The following NHEJ1 variants were observed in gnomAD, a reference collection of about 807,000 sequenced individuals.
The protein encoded by NHEJ1 is non-homologous end-joining factor 1.
Under a neutral mutation model 39.4 loss-of-function variants are expected in NHEJ1, and 22 were observed. The ratio of observed to expected loss-of-function variants is 0.56; its 90% CI spans 0.40 to 0.80. NHEJ1 has a LOEUF of 0.80. Among genes scored for constraint, NHEJ1 ranks in the 30% least tolerant of loss-of-function variants. The probability of loss-of-function intolerance (pLI) is 0.00; values close to 1 mark genes in which losing one functional copy is unlikely to be tolerated. For missense variants in NHEJ1, 329 were observed against 357.1 expected (o/e 0.92, Z 0.63); for synonymous variants, 154 against 135.6 (o/e 1.14, Z -0.94).
chr2:219,151,880 A>G (rs942224705), intron 3 of NHEJ1, among the ~76,000 whole-genome samples: 4 of 152,152 alleles, frequency 2.6e-5, no homozygotes, highest in African/African-American at 9.7e-5. Context: ...AGGCACAAGA[A>G]TCACTTGAAC....
intron 5 of NHEJ1, among the ~76,000 whole-genome samples, chr2:219,080,669 T>TA (rs1949058132): frequency 1.2e-5 from 1 of 86,022 alleles, no homozygotes; most frequent in African/African-American, 8.6e-5. Context: ...ATATAAGCTT[T>TA]TATATATGCT....
intron 5 of NHEJ1, among the ~76,000 whole-genome samples, chr2:219,112,267 G>A (rs1949372817): frequency 6.6e-6 from 1 of 152,086 alleles, no homozygotes; most frequent in African/African-American, 2.4e-5. Flanking sequence ...TTTGAGTTTT[G>A]GCTCTGTTGC....
chr2:219,087,524 A>G (rs1559187738), intron 5 of NHEJ1, among the ~76,000 whole-genome samples: 3 of 152,236 alleles, frequency 2.0e-5, no homozygotes, highest in Admixed American at 2.0e-4. Context: ...TACACGCTTG[A>G]CAGCTGGGAA....
chr2:219,077,347 T>C lies in NHEJ1; in HGVS notation c.724A>G (p.Asn242Asp), dbSNP rs1949023859. ...TCGATTCCTTGCAGGGAAGCACTGTTTGAGGTATGAGGATCTCCTGAAATC... is the reference window on the plus strand; with the variant it reads ...TCGATTCCTTGCAGGGAAGCACTGTCTGAGGTATGAGGATCTCCTGAAATC... ...HQGAGDPHTS[N>D]SASLQGIDSQ... is the part of the protein sequence containing the mutation. The change falls in exon 7 of 8, where the codon AAC becomes GAC. Residue 242 changes from asparagine (N) to aspartate (D), a missense_variant. Coordinates refer to ENST00000356853, the MANE Select transcript of NHEJ1 (RefSeq NM_024782.3). 2 of 1,613,704 alleles carry C rather than the reference T, an allele frequency of 1.2e-6. No individual in the cohort carries two copies. The highest frequency in any genetic ancestry group is 1.7e-5 in the Admixed American group (1 of 59,996).
At chr2:219,119,552 T>C (rs557045785) in intron 5 of NHEJ1, among the ~76,000 whole-genome samples, 3 of 151,022 alleles carry the variant, frequency 2.0e-5, no homozygotes, top group Admixed American at 1.3e-4. Context: ...CAGAAGAGAA[T>C]CCCTCCCCCT....
Position 219,141,748 on chromosome 2 carries a change from C to G in NHEJ1, c.588+4932G>C, listed in dbSNP as rs183070214. 5.8e-3 allele frequency among the ~76,000 whole-genome samples: 881 copies of G among 152,134 alleles called. 6 individuals are homozygous for G. Among genetic ancestry groups the G allele is most frequent in the South Asian group, 0.037 (177 of 4,808 alleles). ...AAATTGGTATTCAGCGATGTACCAA[C>G]AATAGTTGACACTGGGGTCTAGATG... On this transcript the variant is annotated intron_variant, in intron 5 of 7. Transcript: ENST00000356853.
chr2:219,085,013 A>T (rs890959054), intron 5 of NHEJ1, among the ~76,000 whole-genome samples: 66 of 152,304 alleles, frequency 4.3e-4, no homozygotes, highest in Middle Eastern at 3.4e-3. Context: ...CCTGCTTCCT[A>T]ATGTGGCTTG....
Position 219,070,141 on chromosome 2 carries a change from C to G in NHEJ1, c.*6240G>C, listed in dbSNP as rs1337425446. Among the ~76,000 whole-genome samples, 1 of 152,242 alleles carries G rather than the reference C, an allele frequency of 6.6e-6. No individual in the cohort carries two copies. The highest frequency in any genetic ancestry group is 1.9e-4 in the East Asian group (1 of 5,204). ...CAATAAGCCCACAATCTGCCACAGC[C>G]TCCGGAGTACCTGGGACTACAGGCG... is the stretch of plus-strand genomic sequence containing the variant. On this transcript the variant is annotated 3_prime_UTR_variant, in exon 8 of 8. Coordinates refer to ENST00000356853, the MANE Select transcript of NHEJ1 (RefSeq NM_024782.3).
chr2:219,137,100 C>G lies in NHEJ1; in HGVS notation c.588+9580G>C, dbSNP rs569614205. ...AAAAAAAAAAAAAAGAAGTGGTAAC[C>G]CCTGGTTACTACAGGATTCACAGTG... is the stretch of plus-strand genomic sequence containing the variant. On this transcript the variant is annotated intron_variant, in intron 5 of 7. Coordinates refer to ENST00000356853, the MANE Select transcript of NHEJ1 (RefSeq NM_024782.3). Among the ~76,000 whole-genome samples the G allele has an allele frequency of 3.1e-3, 468 of 150,444 alleles. 2 individuals are homozygous for G. The highest frequency in any genetic ancestry group is 0.01 in the African/African-American group (423 of 41,082).
In NHEJ1 at chr2:219,077,357, A is replaced by T; in HGVS notation, c.714T>A (p.Pro238=). 1.2e-6 allele frequency: 2 copies of T among 1,611,778 alleles called. No individual in the cohort carries two copies. Among genetic ancestry groups the T allele is most frequent in the Non-Finnish European group, 1.7e-6 (2 of 1,177,844 alleles). The change falls in exon 7 of 8, where the codon CCT becomes CCA. Residue 238 remains proline, a synonymous_variant. Transcript: ENST00000356853. ...VGQKHQGAGD[P]HTSNSASLQG... ...GCAGGGAAGCACTGTTTGAGGTATG[A>T]GGATCTCCTGAAATCAGAAAGATCA...
intron 5 of NHEJ1, among the ~76,000 whole-genome samples, chr2:219,113,784 T>G (rs1196974359): frequency 6.6e-6 from 1 of 152,194 alleles, no homozygotes; most frequent in Admixed American, 6.5e-5. Context: ...TGCTATCATT[T>G]CCAAGGTATT....
At chr2:219,099,120 G>A (rs759191460) in intron 5 of NHEJ1, among the ~76,000 whole-genome samples, 3 of 150,786 alleles carry the variant, frequency 2.0e-5, no homozygotes, top group African/African-American at 7.3e-5. Flanking sequence ...GGATGTGCTC[G>A]GAAAGTGGCA....
chr2:219,081,667 G>A (rs998529099), intron 5 of NHEJ1, among the ~76,000 whole-genome samples: 1 of 152,212 alleles, frequency 6.6e-6, no homozygotes, highest in Non-Finnish European at 1.5e-5. Context: ...ATATTTGCAT[G>A]TGGGAGATAG....
intron 5 of NHEJ1, among the ~76,000 whole-genome samples, chr2:219,107,975 T>TA (rs1949329530): frequency 6.6e-6 from 1 of 150,514 alleles, no homozygotes; most frequent in South Asian, 2.1e-4. Flanking sequence ...GAAACGCGGC[T>TA]AGTCTGGCTG....
At chr2:219,099,462 G>A (rs900658933) in intron 5 of NHEJ1, among the ~76,000 whole-genome samples, 4 of 152,182 alleles carry the variant, frequency 2.6e-5, no homozygotes, top group Admixed American at 2.0e-4. Context: ...TAGGGCAAGA[G>A]TCAACATAAT....
At chr2:219,119,415 C>G (rs935323633) in intron 5 of NHEJ1, among the ~76,000 whole-genome samples, 2 of 152,134 alleles carry the variant, frequency 1.3e-5, no homozygotes, top group African/African-American at 4.8e-5. Flanking sequence ...CATCAACCTT[C>G]CTGTCAAATC....
intron 5 of NHEJ1, among the ~76,000 whole-genome samples, chr2:219,092,915 A>G (rs1949174089): frequency 6.6e-6 from 1 of 152,228 alleles, no homozygotes; most frequent in African/African-American, 2.4e-5. Flanking sequence ...ATCTGAAATT[A>G]GGTACCAAGA....
chr2:219,158,123 ACAGGC>A (rs1949875127), intron 2 of NHEJ1, 58 bp downstream of exon 2: 3 of 1,575,188 alleles, frequency 1.9e-6, no homozygotes, highest in Non-Finnish European at 1.7e-6. Context: ...TTGGGAAACT[ACAGGC>A]CAGCAAGCTG....
intron 5 of NHEJ1, among the ~76,000 whole-genome samples, chr2:219,126,326 C>A (rs1005700176): frequency 6.6e-6 from 1 of 152,204 alleles, no homozygotes; most frequent in Admixed American, 6.5e-5. Flanking sequence ...TTGTGCAACT[C>A]GAGGCCGTTC....
Sources: allele counts gnomAD v4.1 joint callset (sites outside exome capture counted in the v4.1 genomes callset), GRCh38; gene constraint gnomAD v4.1.1; transcripts MANE v1.5; gene names NCBI Gene and HGNC (gene_info 2026-07-23, HGNC 2026-07-21).